Variants in EBF1 observed in about 807,000 individuals in gnomAD.
EBF1 encodes EBF transcription factor 1.
Under a neutral mutation model 68.4 loss-of-function variants are expected in EBF1, and 10 were observed. That is an observed-to-expected ratio of 0.15 (90% CI 0.09 to 0.25). The LOEUF is 0.25. Among genes scored for constraint, EBF1 ranks in the 10% least tolerant of loss-of-function variants. The pLI is 1.00. For synonymous variants in EBF1, 298 were observed against 299.8 expected, an observed-to-expected ratio of 0.99 and a Z score of 0.06; for missense variants, 509 against 794.4, an observed-to-expected ratio of 0.64 and a Z score of 4.32.
chr5:158,871,436 A>G (rs1347087125), intron 6 of EBF1, among the ~76,000 whole-genome samples: 1 of 152,258 alleles, frequency 6.6e-6, no homozygotes, highest in Non-Finnish European at 1.5e-5. Flanking sequence ...AACTGTTGCT[A>G]TTAGGAATAT....
At position 158,784,966 on chromosome 5, in the gene EBF1, T is replaced by C. The variant is rs536686036; in HGVS notation, c.910-7427A>G. On this transcript the variant is annotated intron_variant, in intron 9 of 15. Coordinates refer to ENST00000313708, the MANE Select transcript of EBF1 (RefSeq NM_024007.5). ...TGTGGAGGTGCTGATAATAATATTA[T>C]ACATGCTTTATGTTTGGGTAGAGCT... 3.3e-5 allele frequency among the ~76,000 whole-genome samples: 5 copies of C among 152,304 alleles called. No homozygotes were observed. The South Asian group carries it at 1.0e-3, about 32-fold the overall frequency.
chr5:158,894,959 T>C (rs1024086108), intron 6 of EBF1, among the ~76,000 whole-genome samples: 5 of 152,190 alleles, frequency 3.3e-5, no homozygotes, highest in African/African-American at 9.6e-5. Context: ...ACATATACTA[T>C]ATATACTGTA....
chr5:159,008,524 C>CTT (rs372441248), intron 6 of EBF1, among the ~76,000 whole-genome samples: 1,966 of 138,270 alleles, frequency 0.014, 19 homozygotes, highest in Non-Finnish European at 0.02. Flanking sequence ...TTTTTCTTTT[C>CTT]TTTTTTTTTT....
At chr5:158,859,644 G>A (rs1347387605) in intron 6 of EBF1, among the ~76,000 whole-genome samples, 1 of 152,116 alleles carries the variant, frequency 6.6e-6, no homozygotes, top group African/African-American at 2.4e-5. Context: ...CTTAACCTGT[G>A]GTCAAACACT....
intron 6 of EBF1, among the ~76,000 whole-genome samples, chr5:158,994,043 T>C (rs949705553): frequency 6.6e-6 from 1 of 152,172 alleles, no homozygotes; most frequent in African/African-American, 2.4e-5. Context: ...GGTGAGTTAC[T>C]TGGGTTCTCC....
chr5:158,964,722 T>C (rs935798806), intron 6 of EBF1, among the ~76,000 whole-genome samples: 7 of 152,166 alleles, frequency 4.6e-5, no homozygotes, highest in African/African-American at 1.4e-4. Context: ...ATGTAATCCT[T>C]TGAGTTCCTT....
At chr5:158,948,054 G>C (rs572105273) in intron 6 of EBF1, among the ~76,000 whole-genome samples, 50 of 152,316 alleles carry the variant, frequency 3.3e-4, no homozygotes, top group African/African-American at 1.2e-3. Context: ...GGGTGAGTGT[G>C]CTTCCTAAGA....
Position 158,729,138 on chromosome 5 carries a change from CTAAA to C in EBF1, c.1125+1927_1125+1930del, listed in dbSNP as rs531334403. On this transcript the variant is annotated intron_variant, in intron 11 of 15. Transcript: ENST00000313708. ...CATCATAGCTACCTTTTGTTGGCTG[CTAAA>C]TAAGTCATTGTAATAAAACTCGAAA... Among the ~76,000 whole-genome samples the C allele has an allele frequency of 1.5e-3, 226 of 152,232 alleles. 1 individual carries two copies. Among genetic ancestry groups the C allele is most frequent in the Non-Finnish European group, 1.1e-3 (76 of 68,024 alleles).
chr5:158,823,054 T>C (rs1249894140), intron 8 of EBF1, 122 bp downstream of exon 8: 1 of 1,387,114 alleles, frequency 7.2e-7, no homozygotes, highest in African/African-American at 1.4e-5. Context: ...AGAGGACCAA[T>C]CTTATTCAAA....
At chr5:158,776,184 TG>T (rs548837308) in intron 10 of EBF1, among the ~76,000 whole-genome samples, 60 of 152,242 alleles carry the variant, frequency 3.9e-4, no homozygotes, top group African/African-American at 1.3e-3. Context: ...ATTTTCCTCT[TG>T]GGTCAATCCT....
intron 6 of EBF1, among the ~76,000 whole-genome samples, chr5:158,959,213 C>CA (rs1181108146): frequency 1.7e-4 from 26 of 150,834 alleles, no homozygotes; most frequent in African/African-American, 6.3e-4. Flanking sequence ...TTCCTAACAC[C>CA]AAAAAAAGAT....
chr5:158,941,109 G>A, intron 6 of EBF1: 1 of 444,902 alleles, frequency 2.2e-6, no homozygotes, highest in South Asian at 1.6e-5. Flanking sequence ...CAGCTGTATT[G>A]GGGTGGACAG....
intron 6 of EBF1, among the ~76,000 whole-genome samples, chr5:159,023,453 G>A (rs1767119873): frequency 6.6e-6 from 1 of 152,076 alleles, no homozygotes; most frequent in Non-Finnish European, 1.5e-5. Context: ...TTTTAAATTA[G>A]TCTCCCCATT....
intron 5 of EBF1, among the ~76,000 whole-genome samples, chr5:159,079,387 T>C (rs1311215887): frequency 1.3e-5 from 2 of 152,222 alleles, no homozygotes; most frequent in Admixed American, 1.3e-4. Flanking sequence ...TTCTCTGAGT[T>C]AGTTTCTTCA....
intron 2 of EBF1, 124 bp downstream of exon 2, chr5:159,096,850 G>A: frequency 7.7e-7 from 1 of 1,294,446 alleles, no homozygotes; most frequent in Non-Finnish European, 1.0e-6. Context: ...GTGGCTTGGG[G>A]GACCCCCACA....
chr5:159,005,609 T>C (rs1033938923), intron 6 of EBF1, among the ~76,000 whole-genome samples: 4 of 152,110 alleles, frequency 2.6e-5, no homozygotes, highest in Non-Finnish European at 4.4e-5. Flanking sequence ...GGGGAAGAAA[T>C]TAAAGATCAT....
intron 6 of EBF1, among the ~76,000 whole-genome samples, chr5:158,953,632 G>C (rs1816484483): frequency 6.6e-6 from 1 of 152,186 alleles, no homozygotes; most frequent in Admixed American, 6.5e-5. Context: ...TCACAGTTTG[G>C]AAAGATAAAA....
chr5:159,029,309 C>A (rs1021939194), intron 6 of EBF1, among the ~76,000 whole-genome samples: 6 of 152,110 alleles, frequency 3.9e-5, no homozygotes, highest in African/African-American at 1.4e-4. Context: ...CCAATAGAAT[C>A]GAGCACTGGA....
At chr5:158,757,927 T>C (rs1770499991) in intron 10 of EBF1, among the ~76,000 whole-genome samples, 1 of 152,144 alleles carries the variant, frequency 6.6e-6, no homozygotes, top group South Asian at 2.1e-4. Flanking sequence ...CAAGGCATAG[T>C]ACGAGGCACT....
Sources: gnomAD v4.1 joint callset for allele counts (sites outside exome capture counted in the v4.1 genomes callset) on GRCh38, gnomAD v4.1.1 for gene constraint, MANE v1.5 for transcripts, NCBI Gene and HGNC (gene_info 2026-07-23, HGNC 2026-07-21) for gene names.